SPART: variants seen among roughly 807,000 people sequenced by gnomAD.
SPART encodes the protein spastic paraplegia 20 (Troyer syndrome).
Under a neutral mutation model 58.7 loss-of-function variants are expected in SPART, and 35 were observed. That is an observed-to-expected ratio of 0.60 (90% CI 0.46 to 0.79). The LOEUF (loss-of-function observed/expected upper bound fraction) is 0.79, where lower values mean the gene tolerates loss of function less well. SPART is among the 30% of genes least tolerant of loss of function. The pLI, the probability that SPART is intolerant of heterozygous loss-of-function variation, is 0.00. For missense variants in SPART, 730 were observed against 786.1 expected (o/e 0.93, Z 0.85); for synonymous variants, 284 against 280.7 (o/e 1.01, Z -0.12).
At chr13:36,356,974 C>T (rs1318625546) in intron 1 of SPART, among the ~76,000 whole-genome samples, 1 of 152,152 alleles carries the variant, frequency 6.6e-6, no homozygotes, top group Non-Finnish European at 1.5e-5. Context: ...ATCATTATCC[C>T]TCAAACCTAT....
In SPART at chr13:36,302,580, T is replaced by C. The variant is rs539158024; in HGVS notation, c.*1785A>G. ...GTCAAAGCTAACTGTTTAAAGTTTA[T>C]GTTCCATTATTTGCCATTCCATTTC... On this transcript the variant is annotated 3_prime_UTR_variant, in exon 9 of 9. Coordinates refer to ENST00000438666, the MANE Select transcript of SPART (RefSeq NM_015087.5). 6.6e-6 allele frequency: 1 copy of C among 152,332 alleles called. No individual in the cohort carries two copies. The highest frequency in any genetic ancestry group is 2.4e-5 in the African/African-American group (1 of 41,590). 9.4% of individuals were successfully genotyped at this position (152,332 alleles called of 1,614,324 possible). A position where few individuals can be genotyped will look rare whatever the true frequency, so the allele number is the denominator to read the frequency against.
rs146954325 is a variant in SPART at position 36,326,883 on chromosome 13, C to A, written c.1165-185G>T. On this transcript the variant is annotated intron_variant, in intron 4 of 8. Coordinates refer to ENST00000438666, the MANE Select transcript of SPART (RefSeq NM_015087.5). ...ACCAGAACTGCCATGAAGTTGAAAA[C>A]TGTTCTGGTCCATATAAATCTTGAC... 5.2e-4 allele frequency among the ~76,000 whole-genome samples: 79 copies of A among 152,018 alleles called. 2 individuals are homozygous for A. In the East Asian group the frequency reaches 0.013, roughly 26 times the overall value.
intron 1 of SPART, among the ~76,000 whole-genome samples, chr13:36,341,707 A>C (rs1049843433): frequency 6.6e-6 from 1 of 152,244 alleles, no homozygotes; most frequent in African/African-American, 2.4e-5. Flanking sequence ...CTTCCGATTA[A>C]TAATATAACT....
At chr13:36,348,788 G>A (rs962047220), upstream of SPART, among the ~76,000 whole-genome samples, 3 of 152,072 alleles carry the variant, frequency 2.0e-5, no homozygotes, top group South Asian at 2.1e-4. Context: ...ACCTCCAGAC[G>A]CAACACAATC....
chr13:36,317,318 C>CCT (rs1881813846), intron 5 of SPART, among the ~76,000 whole-genome samples: 1 of 151,900 alleles, frequency 6.6e-6, no homozygotes, highest in Non-Finnish European at 1.5e-5. Flanking sequence ...GGCAAGTACC[C>CCT]CTCAACCCCT....
chr13:36,316,094 G>C (rs1881671658), intron 5 of SPART, among the ~76,000 whole-genome samples: 1 of 152,228 alleles, frequency 6.6e-6, no homozygotes, highest in Non-Finnish European at 1.5e-5. Flanking sequence ...GATTGATTCT[G>C]TTCATGTTTG....
chr13:36,327,972 C>T (rs377580889), intron 4 of SPART, among the ~76,000 whole-genome samples: 3 of 151,964 alleles, frequency 2.0e-5, no homozygotes, highest in East Asian at 3.9e-4. Flanking sequence ...CCAGCCTGGG[C>T]GACAGAGTGA....
At chr13:36,307,321 G>A (rs984727163) in intron 8 of SPART, among the ~76,000 whole-genome samples, 3 of 152,012 alleles carry the variant, frequency 2.0e-5, no homozygotes, top group African/African-American at 7.2e-5. Flanking sequence ...TCTCCAATGT[G>A]TTCAGTTATA....
At chr13:36,323,264 C>A (rs1459383828) in intron 5 of SPART, among the ~76,000 whole-genome samples, 4 of 152,158 alleles carry the variant, frequency 2.6e-5, no homozygotes, top group Non-Finnish European at 4.4e-5. Context: ...ATCTCACAAC[C>A]ACTAAAGTGT....
intron 1 of SPART, among the ~76,000 whole-genome samples, chr13:36,365,162 CT>C (rs1193164554): frequency 3.9e-5 from 6 of 152,228 alleles, no homozygotes; most frequent in Non-Finnish European, 8.8e-5. Context: ...CCTCTACACA[CT>C]GCACTCTTTA....
chr13:36,354,386 G>T (rs566114387), intron 1 of SPART, among the ~76,000 whole-genome samples: 1 of 151,868 alleles, frequency 6.6e-6, no homozygotes, highest in Non-Finnish European at 1.5e-5. Context: ...GGAATATTCT[G>T]TTCTGATAAG....
chr13:36,316,841 G>GT (rs1438912430), intron 5 of SPART, among the ~76,000 whole-genome samples: 1 of 152,106 alleles, frequency 6.6e-6, no homozygotes, highest in African/African-American at 2.4e-5. Flanking sequence ...TCTTTGCTCC[G>GT]TGAGAAAGAT....
In SPART at chr13:36,368,699, T is replaced by C. The variant is rs979732195; in HGVS notation, c.-3+1390A>G. On this transcript the variant is annotated intron_variant, in intron 1 of 8. Transcript: ENST00000355182. Reference sequence around the variant, plus strand: ...ACACTCTACGTTTTTGGAGCACAAATATAACAATTTAAAAAATAAATTGGC... The same window carrying C: ...ACACTCTACGTTTTTGGAGCACAAACATAACAATTTAAAAAATAAATTGGC... Among the ~76,000 whole-genome samples, 3 of 152,182 alleles carry C rather than the reference T, an allele frequency of 2.0e-5. No homozygotes were observed. The South Asian group carries it at 6.2e-4, about 32-fold the overall frequency.
Position 36,362,843 on chromosome 13 carries a change from A to G in SPART, c.-3+7246T>C, listed in dbSNP as rs1205220895. ...TTCCTAGGAGACTCTAAAAATTAAT[A>G]CCTTATTCCACTGTTCTTTTTGGTT... On this transcript the variant is annotated intron_variant, in intron 1 of 8. Transcript: ENST00000355182. Among the ~76,000 whole-genome samples the G allele has an allele frequency of 3.3e-5, 5 of 152,052 alleles. 1 individual carries two copies. The South Asian group carries it at 1.0e-3, about 32-fold the overall frequency.
intron 4 of SPART, among the ~76,000 whole-genome samples, chr13:36,327,260 A>T (rs1011713558): frequency 6.6e-6 from 1 of 152,216 alleles, no homozygotes; most frequent in Non-Finnish European, 1.5e-5. Flanking sequence ...CCAACACCCA[A>T]ACTCTTAAAG....
rs1181288191 is a variant in SPART, at chr13:36,304,458, C to T, written c.1908G>A (p.Arg636=). Residue 636 remains arginine (R), a synonymous_variant, in exon 9 of 9, where the codon AGG becomes AGA. Coordinates refer to ENST00000438666, the MANE Select transcript of SPART (RefSeq NM_015087.5). The part of the protein sequence containing the change: ...EDYQIVDNSQ[R]ENQEGAANVN... ...CATTTGCTGCTCCTTCTTGATTTTCCCTCTGAGAATTATCAACTATCTGAT... is the reference window on the plus strand; with the variant it reads ...CATTTGCTGCTCCTTCTTGATTTTCTCTCTGAGAATTATCAACTATCTGAT... 1 of 1,614,050 alleles carries T rather than the reference C, an allele frequency of 6.2e-7. No homozygotes were observed. The highest frequency in any genetic ancestry group is 2.2e-5 in the East Asian group (1 of 44,870).
intron 2 of SPART, among the ~76,000 whole-genome samples, chr13:36,332,348 AT>A (rs1478620543): frequency 1.3e-5 from 2 of 152,144 alleles, no homozygotes; most frequent in Non-Finnish European, 2.9e-5. Flanking sequence ...AACTACAAAA[AT>A]TAGCTGGGGG....
chr13:36,313,576 C>T (rs936582190), intron 6 of SPART, among the ~76,000 whole-genome samples: 1 of 152,118 alleles, frequency 6.6e-6, no homozygotes. Flanking sequence ...AGTTTTTATG[C>T]CATTTTTTAT....
intron 1 of SPART, among the ~76,000 whole-genome samples, 191 bp from the exon 2 acceptor site, chr13:36,336,023 GATAA>G (rs1883976421): frequency 6.6e-6 from 1 of 152,066 alleles, no homozygotes; most frequent in Non-Finnish European, 1.5e-5. Flanking sequence ...TTGATGAATG[GATAA>G]ATAAATGAAA....
Sources: allele counts gnomAD v4.1 joint callset (sites outside exome capture counted in the v4.1 genomes callset), GRCh38; gene constraint gnomAD v4.1.1; transcripts MANE v1.5; gene names NCBI Gene and HGNC (gene_info 2026-07-23, HGNC 2026-07-21).